DLC1: variants seen among roughly 807,000 people sequenced by gnomAD.
DLC1 encodes rho GTPase-activating protein 7.
A neutral mutation model predicts 140.3 loss-of-function variants in DLC1; 54 were observed. The observed-to-expected ratio is 0.38, with a 90% CI of 0.31 to 0.48. The LOEUF is 0.48. Ranked by LOEUF, DLC1 falls within the 20% of genes least tolerant of loss-of-function variation. The pLI, the probability that DLC1 is intolerant of heterozygous loss-of-function variation, is 0.96. For missense variants in DLC1, 2,536 were observed against 1,907.0 expected (o/e 1.33, Z -6.14); for synonymous variants, 986 against 728.1 (o/e 1.35, Z -5.70).
intron 1 of DLC1, chr8:13,567,629 C>T: frequency 6.4e-7 from 1 of 1,551,674 alleles, no homozygotes; most frequent in Non-Finnish European, 8.7e-7. Flanking sequence ...GCCCTGTCTG[C>T]CTTTCTGAAA....
rs772729057 is a variant in DLC1, at chr8:13,567,007, G to C, written c.-126+37530C>G. 21 of 1,549,488 alleles carry C rather than the reference G, an allele frequency of 1.4e-5. No homozygotes were observed. The African/African-American group carries it at 2.7e-4, about 20-fold the overall frequency. On this transcript the variant is annotated intron_variant, in intron 1 of 1. Transcript: ENST00000631382. ...ATGCATTGTGATGGCCATCTGCCCA[G>C]AATTGGCCCAAACGGACAAAAGTGC...
chr8:13,189,298 A>G (rs35393495), intron 5 of DLC1, among the ~76,000 whole-genome samples: 23,629 of 152,126 alleles, frequency 0.16, 1,970 homozygotes, highest in South Asian at 0.2. Flanking sequence ...TTGCACCAAT[A>G]CAAGTGGAAC....
At chr8:13,194,692 G>T (rs1267288276) in intron 5 of DLC1, among the ~76,000 whole-genome samples, 2 of 152,140 alleles carry the variant, frequency 1.3e-5, no homozygotes, top group Non-Finnish European at 2.9e-5. Context: ...ATTGTAGGCC[G>T]CAAGCATTCC....
intron 4 of DLC1, among the ~76,000 whole-genome samples, chr8:13,370,016 G>A (rs1033307666): frequency 1.3e-5 from 2 of 150,578 alleles, no homozygotes; most frequent in African/African-American, 4.9e-5. Flanking sequence ...GGCCCCAGAA[G>A]AATGACCTCC....
At chr8:13,217,151 G>A (rs73663647) in intron 5 of DLC1, among the ~76,000 whole-genome samples, 1,913 of 152,170 alleles carry the variant, frequency 0.013, 37 homozygotes, top group African/African-American at 0.043. Flanking sequence ...TTAAAGAAAT[G>A]GATATAAACA....
At chr8:13,454,265 G>T (rs530812036) in intron 2 of DLC1, among the ~76,000 whole-genome samples, 2 of 151,708 alleles carry the variant, frequency 1.3e-5, no homozygotes, top group East Asian at 3.9e-4. Flanking sequence ...AAGAAAACCA[G>T]CATGAAATAT....
At chr8:13,326,514 C>G (rs1007316318) in intron 4 of DLC1, among the ~76,000 whole-genome samples, 1 of 152,190 alleles carries the variant, frequency 6.6e-6, no homozygotes, top group Non-Finnish European at 1.5e-5. Flanking sequence ...TTTCCCTACC[C>G]CAACTGGAGC....
chr8:13,352,466 T>G (rs192238839), intron 4 of DLC1, among the ~76,000 whole-genome samples: 236 of 152,282 alleles, frequency 1.5e-3, no homozygotes, highest in African/African-American at 5.2e-3. Flanking sequence ...ACTGTAGCCT[T>G]GACCTCCTGG....
chr8:13,524,107 A>ATTT (rs1225908575), intron 1 of DLC1, among the ~76,000 whole-genome samples: 42 of 107,118 alleles, frequency 3.9e-4, no homozygotes, highest in Middle Eastern at 9.2e-3. Context: ...TATCTATTCT[A>ATTT]TTTATTATTA....
chr8:13,269,900 A>AG (rs1830856494), intron 5 of DLC1, among the ~76,000 whole-genome samples: 1 of 113,192 alleles, frequency 8.8e-6, no homozygotes, highest in African/African-American at 3.1e-5. Context: ...TACTAAAAAT[A>AG]CAAAAAAAAA....
At chr8:13,363,608 C>G (rs1563286317) in intron 4 of DLC1, among the ~76,000 whole-genome samples, 2 of 151,790 alleles carry the variant, frequency 1.3e-5, no homozygotes, top group Non-Finnish European at 2.9e-5. Context: ...AATATAGAAC[C>G]TAAAGTCATT....
intron 4 of DLC1, among the ~76,000 whole-genome samples, chr8:13,379,536 C>T (rs554280796): frequency 9.9e-4 from 151 of 152,306 alleles, no homozygotes; most frequent in Non-Finnish European, 9.3e-4. Context: ...ATTGAATACT[C>T]TATTGAAAAC....
intron 1 of DLC1, among the ~76,000 whole-genome samples, chr8:13,586,597 AC>A (rs1805324600): frequency 7.7e-6 from 1 of 130,002 alleles, no homozygotes; most frequent in African/African-American, 2.5e-5. Context: ...ATGCACACAC[AC>A]ACACACACAC....
intron 5 of DLC1, among the ~76,000 whole-genome samples, chr8:13,304,407 C>T (rs923254304): frequency 6.6e-6 from 1 of 152,134 alleles, no homozygotes; most frequent in African/African-American, 2.4e-5. Context: ...CAGAAGGACA[C>T]AAACTAGGAA....
chr8:13,472,946 C>G (rs961728), intron 2 of DLC1, among the ~76,000 whole-genome samples: 2 of 151,998 alleles, frequency 1.3e-5, no homozygotes, highest in African/African-American at 2.4e-5. Context: ...TACTGAGTAC[C>G]TGAATACTAG....
intron 5 of DLC1, among the ~76,000 whole-genome samples, chr8:13,238,203 A>C (rs1829380339): frequency 2.0e-5 from 3 of 152,178 alleles, no homozygotes; most frequent in Non-Finnish European, 4.4e-5. Flanking sequence ...ATTTTAAGGG[A>C]AATTTAAAAT....
chr8:13,179,385 C>T (rs1364528212), intron 5 of DLC1, among the ~76,000 whole-genome samples: 8 of 152,018 alleles, frequency 5.3e-5, no homozygotes, highest in Non-Finnish European at 1.0e-4. Flanking sequence ...AAAAATTTAT[C>T]GGGCTGTACA....
At chr8:13,145,177 A>G (rs1241063381) in intron 5 of DLC1, among the ~76,000 whole-genome samples, 2 of 152,208 alleles carry the variant, frequency 1.3e-5, no homozygotes, top group African/African-American at 4.8e-5. Context: ...GAGAGATAGC[A>G]GAGCCAGTAT....
At chr8:13,249,748 A>G (rs1197411102) in intron 5 of DLC1, among the ~76,000 whole-genome samples, 13 of 152,218 alleles carry the variant, frequency 8.5e-5, no homozygotes, top group Admixed American at 8.5e-4. Context: ...AATCACAAGA[A>G]CAACAATGAA....
Sources: gnomAD v4.1 joint callset for allele counts (sites outside exome capture counted in the v4.1 genomes callset) on GRCh38, gnomAD v4.1.1 for gene constraint, MANE v1.5 for transcripts, NCBI Gene and HGNC (gene_info 2026-07-23, HGNC 2026-07-21) for gene names.